GNG7: variants seen among roughly 807,000 people sequenced by gnomAD.
GNG7 encodes guanine nucleotide-binding protein G(I)/G(S)/G(O) subunit gamma-7.
Under a neutral mutation model 4.0 loss-of-function variants are expected in GNG7, and 1 was observed. The observed-to-expected ratio is 0.25, with a 90% CI of 0.09 to 1.18. The LOEUF is 1.18. Ranked by LOEUF, GNG7 falls within the 50% of genes most tolerant of loss-of-function variation. The pLI, the probability that GNG7 is intolerant of heterozygous loss-of-function variation, is 0.50. For synonymous variants in GNG7, 34 were observed against 36.9 expected, an observed-to-expected ratio of 0.92 and a Z score of 0.29; for missense variants, 86 against 91.9, an observed-to-expected ratio of 0.94 and a Z score of 0.26.
intron 1 of GNG7, among the ~76,000 whole-genome samples, chr19:2,693,583 T>C (rs1453889847): frequency 6.6e-6 from 1 of 152,116 alleles, no homozygotes; most frequent in Admixed American, 6.6e-5. Flanking sequence ...GTCTCTCCCC[T>C]GGGCACTGTG....
intron 1 of GNG7, among the ~76,000 whole-genome samples, chr19:2,702,168 C>T (rs1913418526): frequency 1.3e-5 from 2 of 148,502 alleles, no homozygotes; most frequent in African/African-American, 2.5e-5. Context: ...CCTCCAGTCT[C>T]ACCCCCAGCC....
intron 1 of GNG7, among the ~76,000 whole-genome samples, chr19:2,661,280 A>AGGAAGGAAGGAG (rs1983148265): frequency 6.8e-5 from 4 of 58,912 alleles, no homozygotes; most frequent in African/African-American, 3.2e-4. Context: ...AAAAGAAAGA[A>AGGAAGGAAGGAG]AGAAAGAAAG....
rs184496106 is a variant in GNG7 at position 2,684,295 on chromosome 19, C to T, written c.-135+18351G>A. 3.3e-5 allele frequency among the ~76,000 whole-genome samples: 5 copies of T among 151,836 alleles called. No individual in the cohort carries two copies. The East Asian group carries it at 5.9e-4, about 18-fold the overall frequency. ...GGGATTACAGGGGTCCGCCACCACG[C>T]CCGGATAATTTTTGTATTTTTAGTA... On this transcript the variant is annotated intron_variant, in intron 1 of 4. Transcript: ENST00000382159.
Position 2,575,476 on chromosome 19 carries a change from C to T in GNG7, c.-77-20288G>A, listed in dbSNP as rs142807673. On this transcript the variant is annotated intron_variant, in intron 2 of 4. Transcript: ENST00000382159. ...CAGGGCGTGTGGACACGCAGGCACA[C>T]GCAGGCACATGCAGACACGCAGGCA... Among the ~76,000 whole-genome samples, 491 of 152,016 alleles carry T rather than the reference C, an allele frequency of 3.2e-3. 5 individuals carry two copies. Among genetic ancestry groups the T allele is most frequent in the Non-Finnish European group, 3.9e-3 (267 of 67,980 alleles).
At chr19:2,592,908 AGAAG>A (rs1406144854) in intron 2 of GNG7, among the ~76,000 whole-genome samples, 2 of 132,940 alleles carry the variant, frequency 1.5e-5, no homozygotes, top group Non-Finnish European at 3.1e-5. Context: ...AAGGAAGGAA[AGAAG>A]GAAGGAAGGA....
chr19:2,605,639 G>A lies in GNG7; in HGVS notation c.-78+40585C>T, dbSNP rs1013682457. On this transcript the variant is annotated intron_variant, in intron 2 of 4. Coordinates refer to ENST00000382159, the MANE Select transcript of GNG7 (RefSeq NM_052847.3). ...AGTGATTCTCCTGCCTCAGCCTCCC[G>A]AGTAGCTGGGATTACAGGCATGCGC... Among the ~76,000 whole-genome samples, 14 of 148,440 alleles carry A rather than the reference G, an allele frequency of 9.4e-5. 1 individual carries two copies. The Middle Eastern group carries it at 0.014, about 151-fold the overall frequency.
At chr19:2,568,864 A>G (rs1439613206) in intron 2 of GNG7, among the ~76,000 whole-genome samples, 4 of 152,156 alleles carry the variant, frequency 2.6e-5, no homozygotes, top group Non-Finnish European at 5.9e-5. Flanking sequence ...AAATATACAC[A>G]CAAGTACACA....
chr19:2,698,380 A>C (rs1440583126), intron 1 of GNG7, among the ~76,000 whole-genome samples: 1 of 152,048 alleles, frequency 6.6e-6, no homozygotes, highest in Admixed American at 6.6e-5. Flanking sequence ...CCTGGGCAAT[A>C]TGGTGAAACC....
chr19:2,635,323 C>G (rs1280745814), intron 2 of GNG7, among the ~76,000 whole-genome samples: 1 of 152,182 alleles, frequency 6.6e-6, no homozygotes, highest in Non-Finnish European at 1.5e-5. Context: ...GGTAGAAAGT[C>G]TTCAGTGCTG....
chr19:2,580,465 A>G (rs1980471147), intron 2 of GNG7, among the ~76,000 whole-genome samples: 1 of 147,396 alleles, frequency 6.8e-6, no homozygotes. Context: ...TAATTTTTGT[A>G]TTTTTAGTAG....
At chr19:2,543,086 A>G (rs1474842659) in intron 3 of GNG7, among the ~76,000 whole-genome samples, 1 of 150,158 alleles carries the variant, frequency 6.7e-6, no homozygotes, top group Non-Finnish European at 1.5e-5. Flanking sequence ...CTTATTTTTT[A>G]TTTTTATTTT....
intron 1 of GNG7, among the ~76,000 whole-genome samples, chr19:2,672,318 G>A (rs1983475888): frequency 6.6e-6 from 1 of 151,780 alleles, no homozygotes; most frequent in African/African-American, 2.4e-5. Flanking sequence ...ACTGCACCTG[G>A]CCTATTTTTA....
Position 2,614,218 on chromosome 19 carries a change from G to T in GNG7, c.-78+32006C>A, listed in dbSNP as rs901651853. ...CCCCAGCTACAGCCTGAGCATGGTCGCCAGAAAGCAGGTGCGGCGACTTTC... is the reference window on the plus strand; with the variant it reads ...CCCCAGCTACAGCCTGAGCATGGTCTCCAGAAAGCAGGTGCGGCGACTTTC... On this transcript the variant is annotated intron_variant, in intron 2 of 4. Coordinates refer to ENST00000382159, the MANE Select transcript of GNG7 (RefSeq NM_052847.3). The surrounding 1 kb of genome is among the most constrained non-coding windows in gnomAD (Gnocchi z 6.0). Among the ~76,000 whole-genome samples, 1 of 152,176 alleles carries T rather than the reference G, an allele frequency of 6.6e-6. No homozygotes were observed. The highest frequency in any genetic ancestry group is 2.4e-5 in the African/African-American group (1 of 41,440).
intron 2 of GNG7, among the ~76,000 whole-genome samples, chr19:2,605,779 T>C (rs1438472157): frequency 2.0e-5 from 3 of 152,100 alleles, no homozygotes; most frequent in Non-Finnish European, 4.4e-5. Context: ...CCCAAAGTGC[T>C]GGGATGACAG....
intron 2 of GNG7, among the ~76,000 whole-genome samples, chr19:2,602,970 C>T (rs1890062872): frequency 7.0e-6 from 1 of 142,480 alleles, no homozygotes; most frequent in Non-Finnish European, 1.5e-5. Flanking sequence ...CTCTTTCTTT[C>T]TTTCTCTCTC....
intron 2 of GNG7, among the ~76,000 whole-genome samples, chr19:2,599,104 T>C (rs1981122483): frequency 6.6e-6 from 1 of 152,136 alleles, no homozygotes; most frequent in Non-Finnish European, 1.5e-5. Context: ...TGCTATTTGC[T>C]TGTGGGAGGG....
chr19:2,667,283 C>T (rs1203392912), intron 1 of GNG7, among the ~76,000 whole-genome samples: 1 of 152,148 alleles, frequency 6.6e-6, no homozygotes, highest in Admixed American at 6.5e-5. Context: ...GATCACGCCA[C>T]TGCAACCCAG....
chr19:2,557,274 C>A lies in GNG7; in HGVS notation c.-77-2086G>T, dbSNP rs71339116. Among the ~76,000 whole-genome samples, 4 of 150,552 alleles carry A rather than the reference C, an allele frequency of 2.7e-5. No individual in the cohort carries two copies. Among genetic ancestry groups the A allele is most frequent in the African/African-American group, 9.7e-5 (4 of 41,194 alleles). On this transcript the variant is annotated intron_variant, in intron 2 of 4. Transcript: ENST00000382159. This position sits in a 1 kb window ranked among gnomAD's most constrained non-coding sequence, Gnocchi z 5.1. ...ACACACGTGCACACACATTTGCACA[C>A]ACAGACACGTGCACACACAGAGGTG...
At chr19:2,663,382 T>A (rs1276784417) in intron 1 of GNG7, among the ~76,000 whole-genome samples, 1 of 150,814 alleles carries the variant, frequency 6.6e-6, no homozygotes, top group Non-Finnish European at 1.5e-5. Flanking sequence ...TCCCCAATCT[T>A]TCATATATGT....
Sources: gnomAD v4.1 joint callset for allele counts (sites outside exome capture counted in the v4.1 genomes callset) on GRCh38, gnomAD v4.1.1 for gene constraint, Gnocchi (gnomAD v3.1) non-coding constraint, MANE v1.5 for transcripts, NCBI Gene and HGNC (gene_info 2026-07-23, HGNC 2026-07-21) for gene names.